The following RGS7 variants were observed in gnomAD, a reference collection of about 807,000 sequenced individuals.
RGS7 encodes regulator of G protein signaling 7, also known as regulator of G-protein signaling 7.
A neutral mutation model predicts 81.1 loss-of-function variants in RGS7; 27 were observed. That is an observed-to-expected ratio of 0.33 (90% CI 0.25 to 0.46). The LOEUF (loss-of-function observed/expected upper bound fraction) is 0.46. Ranked by LOEUF, RGS7 falls within the 20% of genes least tolerant of loss-of-function variation. RGS7 has a pLI of 1.00. For synonymous variants in RGS7, 208 were observed against 207.7 expected, an observed-to-expected ratio of 1.00 and a Z score of -0.01; for missense variants, 396 against 607.4, an observed-to-expected ratio of 0.65 and a Z score of 3.66.
At chr1:240,878,575 A>C (rs2148071193) in intron 6 of RGS7, among the ~76,000 whole-genome samples, 1 of 143,938 alleles carries the variant, frequency 6.9e-6, no homozygotes, top group Non-Finnish European at 1.5e-5. Flanking sequence ...TTTTTAAATT[A>C]GACTTAAGGC....
chr1:240,826,108 G>T lies in RGS7; in HGVS notation c.684+990C>A, dbSNP rs142208897. On this transcript the variant is annotated intron_variant, in intron 10 of 18. Coordinates refer to ENST00000440928, the MANE Select transcript of RGS7 (RefSeq NM_001364886.1). Reference sequence around the variant, plus strand: ...AGCAATTAAGTTGGGCCAGCCACCAGAGAGACAGACCAGACAGGCTTGCTT... The same window carrying T: ...AGCAATTAAGTTGGGCCAGCCACCATAGAGACAGACCAGACAGGCTTGCTT... Among the ~76,000 whole-genome samples the T allele has an allele frequency of 5.3e-4, 80 of 152,324 alleles. 1 individual carries two copies. Among genetic ancestry groups the T allele is most frequent in the African/African-American group, 1.9e-3 (78 of 41,568 alleles).
intron 6 of RGS7, among the ~76,000 whole-genome samples, chr1:240,879,228 T>C (rs1665982878): frequency 1.3e-5 from 2 of 152,238 alleles, no homozygotes; most frequent in African/African-American, 2.4e-5. Flanking sequence ...CAAAAATGTC[T>C]ACGAATCGAT....
chr1:241,177,187 T>C (rs2071217246), intron 2 of RGS7, among the ~76,000 whole-genome samples: 1 of 152,072 alleles, frequency 6.6e-6, no homozygotes, highest in African/African-American at 2.4e-5. Context: ...GATCAGGTCA[T>C]AAAGTAACAG....
intron 2 of RGS7, among the ~76,000 whole-genome samples, chr1:241,175,234 A>G (rs2071042048): frequency 6.6e-6 from 1 of 152,122 alleles, no homozygotes; most frequent in Admixed American, 6.6e-5. Flanking sequence ...ATATATGAGA[A>G]AAGAGAAGGG....
intron 3 of RGS7, among the ~76,000 whole-genome samples, chr1:241,002,496 G>T (rs952334496): frequency 6.7e-6 from 1 of 149,668 alleles, no homozygotes; most frequent in Non-Finnish European, 1.5e-5. Context: ...AGACATTTTT[G>T]CAATCAACTG....
intron 2 of RGS7, among the ~76,000 whole-genome samples, chr1:241,175,345 C>T (rs563212645): frequency 2.0e-5 from 3 of 152,248 alleles, no homozygotes; most frequent in East Asian, 3.9e-4. Context: ...GAGATGAGTT[C>T]GCTGCTACAG....
chr1:241,229,893 T>C (rs1374214398), intron 2 of RGS7, among the ~76,000 whole-genome samples: 2 of 152,196 alleles, frequency 1.3e-5, no homozygotes, highest in African/African-American at 4.8e-5. Context: ...GCCTCCTACC[T>C]TAAAACCATA....
At chr1:241,315,148 T>C (rs1476617950) in intron 2 of RGS7, among the ~76,000 whole-genome samples, 2 of 99,256 alleles carry the variant, frequency 2.0e-5, no homozygotes, top group Admixed American at 3.3e-4. Context: ...ATGCAGAAAA[T>C]GGCAAGAACT....
chr1:241,161,944 TG>T (rs1275273457), intron 2 of RGS7, among the ~76,000 whole-genome samples: 1 of 152,060 alleles, frequency 6.6e-6, no homozygotes, highest in Non-Finnish European at 1.5e-5. Flanking sequence ...CTCGAACTCC[TG>T]ACCTCAGGTG....
intron 6 of RGS7, among the ~76,000 whole-genome samples, chr1:240,914,956 G>C (rs1672354769): frequency 6.6e-6 from 1 of 152,114 alleles, no homozygotes; most frequent in African/African-American, 2.4e-5. Flanking sequence ...AGTTGTTCGA[G>C]GCTCAATGTG....
intron 3 of RGS7, among the ~76,000 whole-genome samples, chr1:240,989,923 C>T (rs1473097246): frequency 1.3e-5 from 2 of 152,122 alleles, no homozygotes; most frequent in Non-Finnish European, 2.9e-5. Context: ...CATCCTTGCT[C>T]CTTTCTGGAC....
At chr1:240,858,878 G>A in intron 9 of RGS7, among the ~76,000 whole-genome samples, 1 of 152,086 alleles carries the variant, frequency 6.6e-6, no homozygotes, top group Non-Finnish European at 1.5e-5. Context: ...TACAACGCTG[G>A]ACATGATATC....
At chr1:240,793,608 TATA>T (rs1466786199) in intron 18 of RGS7, among the ~76,000 whole-genome samples, 5 of 42,648 alleles carry the variant, frequency 1.2e-4, no homozygotes, top group African/African-American at 1.7e-4. Context: ...TATATATATA[TATA>T]TTTTTTTTTT....
intron 2 of RGS7, among the ~76,000 whole-genome samples, chr1:241,209,588 C>A (rs2074124538): frequency 6.6e-6 from 1 of 152,252 alleles, no homozygotes; most frequent in African/African-American, 2.4e-5. Context: ...GTAATCCCAG[C>A]ACTTTGGGAG....
At chr1:241,327,118 GAAAGAAA>G (rs2081614569) in intron 2 of RGS7, among the ~76,000 whole-genome samples, 1 of 108,988 alleles carries the variant, frequency 9.2e-6, no homozygotes, top group South Asian at 3.1e-4. Flanking sequence ...AAGAAAGAAA[GAAAGAAA>G]GAAAGAAAGA....
At chr1:241,211,632 A>G (rs2074249334) in intron 2 of RGS7, among the ~76,000 whole-genome samples, 1 of 152,178 alleles carries the variant, frequency 6.6e-6, no homozygotes, top group South Asian at 2.1e-4. Flanking sequence ...GTTTATAAAA[A>G]CCGGTCAAAT....
chr1:241,121,786 T>C (rs1475035151), intron 2 of RGS7, among the ~76,000 whole-genome samples: 1 of 130,988 alleles, frequency 7.6e-6, no homozygotes, highest in Admixed American at 9.0e-5. Flanking sequence ...GGCAAGACCA[T>C]GGCTTACTGC....
intron 14 of RGS7, among the ~76,000 whole-genome samples, chr1:240,810,878 C>T (rs557363066): frequency 1.1e-4 from 16 of 152,266 alleles, no homozygotes; most frequent in African/African-American, 3.9e-4. Context: ...TGAAGGGTTC[C>T]CATAAACTGG....
At chr1:241,257,133 G>A (rs2077091860) in intron 2 of RGS7, among the ~76,000 whole-genome samples, 1 of 151,886 alleles carries the variant, frequency 6.6e-6, no homozygotes, top group South Asian at 2.1e-4. Flanking sequence ...ATCTGAAACC[G>A]GATAATTTAT....
Sources: gnomAD v4.1 joint callset for allele counts (sites outside exome capture counted in the v4.1 genomes callset) on GRCh38, gnomAD v4.1.1 for gene constraint, MANE v1.5 for transcripts, NCBI Gene and HGNC (gene_info 2026-07-23, HGNC 2026-07-21) for gene names.